Variants in BRWD3 observed in about 807,000 individuals in gnomAD.
BRWD3 encodes the protein bromodomain and WD repeat-containing protein 3.
BRWD3 carries 10 observed loss-of-function variants against 149.7 expected under a neutral mutation model. That is an observed-to-expected ratio of 0.07 (90% CI 0.04 to 0.11). The LOEUF is 0.11. BRWD3 is among the 10% of genes least tolerant of loss of function. The pLI is 1.00. For missense variants in BRWD3, 940 were observed against 1,373.2 expected, an observed-to-expected ratio of 0.68 and a Z score of 4.99; for synonymous variants, 504 against 456.7, an observed-to-expected ratio of 1.10 and a Z score of -1.32.
intron 16 of BRWD3, among the ~76,000 whole-genome samples, chrX:80,723,061 G>C (rs1374361341): frequency 9.0e-6 from 1 of 111,459 alleles, no homozygotes; most frequent in Non-Finnish European, 1.9e-5. Context: ...CAACCCAGTA[G>C]ATATAGTTGG....
chrX:80,797,484 A>G (rs1291468486), intron 4 of BRWD3, among the ~76,000 whole-genome samples: 1 of 111,982 alleles, frequency 8.9e-6, no homozygotes, highest in African/African-American at 3.2e-5. Flanking sequence ...ACCCTCCTAT[A>G]GAAAGAAAAT....
chrX:80,759,763 C>T (rs750451217), intron 6 of BRWD3, among the ~76,000 whole-genome samples: 77 of 111,510 alleles, frequency 6.9e-4, no homozygotes, highest in African/African-American at 1.8e-3. Flanking sequence ...AACATGATAG[C>T]TATAATTGGA....
chrX:80,793,070 G>A (rs1179737891), intron 5 of BRWD3, among the ~76,000 whole-genome samples: 1 of 100,498 alleles, frequency 1.0e-5, no homozygotes, highest in Non-Finnish European at 2.0e-5. Flanking sequence ...GCTAAGGCAG[G>A]AGAATTGCTT....
chrX:80,809,354 T>C, intron 1 of BRWD3, 50 bp from the exon 2 acceptor site: 1 of 1,155,891 alleles, frequency 8.7e-7, no homozygotes, highest in African/African-American at 1.8e-5. Flanking sequence ...AGAAGAGAAA[T>C]AGAAGCTTTT....
At chrX:80,728,997 T>C (rs1203180052) in intron 13 of BRWD3, 92 bp from the exon 14 acceptor site, 15 of 762,968 alleles carry the variant, frequency 2.0e-5, no homozygotes, top group Non-Finnish European at 3.0e-5. Flanking sequence ...TCTCCAGGAG[T>C]ATACAACTGT....
chrX:80,747,414 A>C, intron 6 of BRWD3, among the ~76,000 whole-genome samples: 1 of 109,720 alleles, frequency 9.1e-6, no homozygotes, highest in Non-Finnish European at 1.9e-5. Context: ...AAACAAAAAT[A>C]TCTCTAGATG....
chrX:80,752,144 C>G (rs1190383842), intron 6 of BRWD3, among the ~76,000 whole-genome samples: 7 of 108,982 alleles, frequency 6.4e-5, no homozygotes, highest in Non-Finnish European at 5.7e-5. Context: ...TCCTGAGTTG[C>G]TGGGACCACA....
rs1044378926 is a variant in BRWD3, at chrX:80,681,360, T to A, written c.4635A>T (p.Arg1545Ser). 10 of 1,208,667 alleles carry A rather than the reference T, an allele frequency of 8.3e-6. No homozygotes were observed. The highest frequency in any genetic ancestry group is 4.4e-5 in the Admixed American group (2 of 45,575). ...DPGKAKSFRN[R>S]VLPVKQDHSL... Reference sequence around the variant, plus strand: ...TCCTACCTTGTTTAACTGGCAAAACTCTATTCCGAAATGATTTGGCTTTCC... The same window carrying A: ...TCCTACCTTGTTTAACTGGCAAAACACTATTCCGAAATGATTTGGCTTTCC... Residue 1545 changes from arginine (R) to serine (S), a missense_variant, in exon 40 of 41, where the codon AGA (arginine) becomes AGT (serine). Physicochemically the swap from Arg to Ser is moderately radical, Grantham distance 110 (BLOSUM62 -1). This residue lies in a region of BRWD3 where 349 missense variants were observed against 419.6 expected (regional missense o/e 0.83). Transcript: ENST00000373275.
At position 80,673,854 on chromosome X, in the gene BRWD3, T is replaced by G. The variant is rs2072341961; in HGVS notation, c.*2755A>C. ...TCAAAATTCTTTGTTCATTTTGTAC[T>G]TGCTTTGCTATGGCTGGACCCAGAT... On this transcript the variant is annotated 3_prime_UTR_variant, in exon 41 of 41. Transcript: ENST00000373275. 1 of 111,413 alleles carries G rather than the reference T, an allele frequency of 9.0e-6. No homozygotes were observed. Among genetic ancestry groups the G allele is most frequent in the Non-Finnish European group, 1.9e-5 (1 of 53,016 alleles). The allele number at this position is 111,413 out of a possible 1,213,427, so 9.2% of individuals were successfully genotyped here. A position where few individuals can be genotyped will look rare whatever the true frequency, so the allele number is the denominator to read the frequency against.
chrX:80,742,319 T>C (rs2147787663), intron 8 of BRWD3, among the ~76,000 whole-genome samples: 1 of 109,044 alleles, frequency 9.2e-6, no homozygotes, highest in African/African-American at 3.4e-5. Flanking sequence ...TGTAGCCTTG[T>C]AGTATAGTTT....
intron 4 of BRWD3, among the ~76,000 whole-genome samples, chrX:80,800,268 T>TA (rs35202356): frequency 4.8e-5 from 5 of 104,439 alleles, no homozygotes; most frequent in South Asian, 4.4e-4. Context: ...TTTTTTTTTT[T>TA]AATGAAAAAC....
chrX:80,783,957 G>A (rs1488477232), intron 6 of BRWD3, among the ~76,000 whole-genome samples: 2 of 111,145 alleles, frequency 1.8e-5, no homozygotes, highest in African/African-American at 6.5e-5. Context: ...AGTGGGGATG[G>A]TTAATGCGTA....
At chrX:80,707,642 T>C (rs1175356386) in intron 21 of BRWD3, 139 bp from the exon 22 acceptor site, 1 of 537,583 alleles carries the variant, frequency 1.9e-6, no homozygotes, top group African/African-American at 2.3e-5. Flanking sequence ...CACATAATTA[T>C]TGTTCTAAGT....
At chrX:80,690,183 C>T (rs1441478691) in intron 31 of BRWD3, 91 bp from the exon 32 acceptor site, 1 of 951,200 alleles carries the variant, frequency 1.1e-6, no homozygotes, top group Non-Finnish European at 1.5e-6. Context: ...TGTACTTAAA[C>T]ACAGTGTGTC....
rs192390730 is a variant in BRWD3, at chrX:80,713,808, C to G, written c.2325+2349G>C. Among the ~76,000 whole-genome samples the G allele has an allele frequency of 4.8e-3, 542 of 112,514 alleles. 7 individuals are homozygous for G. The highest frequency in any genetic ancestry group is 5.1e-3 in the Non-Finnish European group (271 of 53,294). Reference sequence around the variant, plus strand: ...ACAATTTAATTTTTGGAACTGAAATCTAAACTCTGCTCTTTTGTTATTCTC... The same window carrying G: ...ACAATTTAATTTTTGGAACTGAAATGTAAACTCTGCTCTTTTGTTATTCTC... On this transcript the variant is annotated intron_variant, in intron 20 of 40. Coordinates refer to ENST00000373275, the MANE Select transcript of BRWD3 (RefSeq NM_153252.5).
chrX:80,717,900 C>A, intron 18 of BRWD3, 141 bp from the exon 19 acceptor site: 1 of 518,089 alleles, frequency 1.9e-6, no homozygotes, highest in East Asian at 3.7e-5. Context: ...TTTTCTGTAC[C>A]CTCCTTTGTG....
At chrX:80,724,156 C>A (rs1372879647) in intron 15 of BRWD3, among the ~76,000 whole-genome samples, 1 of 111,511 alleles carries the variant, frequency 9.0e-6, no homozygotes, top group Non-Finnish European at 1.9e-5. Context: ...TAAATGCAAT[C>A]AAAATGACAA....
At chrX:80,788,199 G>A (rs920816074) in intron 6 of BRWD3, among the ~76,000 whole-genome samples, 7 of 110,317 alleles carry the variant, frequency 6.3e-5, no homozygotes, top group East Asian at 2.8e-4. Context: ...GGGGGAGGCC[G>A]AGGCAGGTGA....
intron 6 of BRWD3, among the ~76,000 whole-genome samples, chrX:80,784,138 C>T (rs1421439886): frequency 9.0e-6 from 1 of 111,027 alleles, no homozygotes; most frequent in African/African-American, 3.3e-5. Flanking sequence ...CCTCATTTAC[C>T]TTCAGGTGAT....
Sources: gnomAD v4.1 joint callset for allele counts (sites outside exome capture counted in the v4.1 genomes callset) on GRCh38, gnomAD v4.1.1 for gene constraint, gnomAD v4.1.1 regional missense constraint, MANE v1.5 for transcripts, NCBI Gene and HGNC (gene_info 2026-07-23, HGNC 2026-07-21) for gene names.